The following FBXL20 variants were observed in gnomAD, a reference collection of about 807,000 sequenced individuals.
The protein encoded by FBXL20 is F-box/LRR-repeat protein 20.
A neutral mutation model predicts 64.0 loss-of-function variants in FBXL20; 11 were observed. That is an observed-to-expected ratio of 0.17 (90% CI 0.11 to 0.28). The LOEUF is 0.28. Ranked by LOEUF, FBXL20 falls within the 10% of genes least tolerant of loss-of-function variation. FBXL20 has a pLI of 1.00. For missense variants in FBXL20, 303 were observed against 526.2 expected (o/e 0.58, Z 4.15); for synonymous variants, 184 against 189.0 (o/e 0.97, Z 0.22).
Position 39,298,975 on chromosome 17 carries a change from T to C in FBXL20, c.329+15A>G, listed in dbSNP as rs1432338925. On this transcript the variant is annotated intron_variant, in intron 5 of 14. Transcript: ENST00000264658. ...CACTTCCATCAAGAAGATTAATCAA[T>C]AGTTATGTTTTTACCTTAATGCATT... 2 of 1,595,732 alleles carry C rather than the reference T, an allele frequency of 1.3e-6. No individual in the cohort carries two copies. The highest frequency in any genetic ancestry group is 1.1e-5 in the South Asian group (1 of 90,218).
At position 39,253,885 on chromosome 17, in the gene FBXL20, T is replaced by C. The variant is rs1567850078; in HGVS notation, c.*7575A>G. 6.6e-6 allele frequency: 1 copy of C among 152,116 alleles called. No homozygotes were observed. Among genetic ancestry groups the C allele is most frequent in the Non-Finnish European group, 1.5e-5 (1 of 68,022 alleles). The allele number at this position is 152,116 out of a possible 1,614,324, so 9.4% of individuals were successfully genotyped here. A position where few individuals can be genotyped will look rare whatever the true frequency, so the allele number is the denominator to read the frequency against. On this transcript the variant is annotated 3_prime_UTR_variant, in exon 15 of 15. Coordinates refer to ENST00000264658, the MANE Select transcript of FBXL20 (RefSeq NM_032875.3). ...AGTTAGAGACTTTTTCAAGTTAAGATTTTCTAAGACCTTAGGTTTTCATTC... is the reference window on the plus strand; with the variant it reads ...AGTTAGAGACTTTTTCAAGTTAAGACTTTCTAAGACCTTAGGTTTTCATTC...
intron 2 of FBXL20, among the ~76,000 whole-genome samples, chr17:39,326,768 C>T (rs918792161): frequency 2.0e-5 from 3 of 151,654 alleles, no homozygotes; most frequent in African/African-American, 4.8e-5. Context: ...TACAGGTGCA[C>T]GCCACCACAC....
At chr17:39,398,363 C>A (rs2048207970) in intron 1 of FBXL20, among the ~76,000 whole-genome samples, 1 of 152,132 alleles carries the variant, frequency 6.6e-6, no homozygotes, top group Admixed American at 6.5e-5. Flanking sequence ...GTCTGTCATG[C>A]AGGAAGTATT....
intron 6 of FBXL20, among the ~76,000 whole-genome samples, chr17:39,286,812 T>C (rs1206408865): frequency 6.6e-6 from 1 of 152,086 alleles, no homozygotes; most frequent in African/African-American, 2.4e-5. Flanking sequence ...AAAAAAATTT[T>C]TTTTATGCCA....
At chr17:39,340,237 C>T (rs1021993765) in intron 2 of FBXL20, among the ~76,000 whole-genome samples, 2 of 152,320 alleles carry the variant, frequency 1.3e-5, no homozygotes, top group Admixed American at 6.5e-5. Flanking sequence ...GCTGGGATTA[C>T]AGGCATGTGC....
intron 12 of FBXL20, 74 bp downstream of exon 12, chr17:39,268,753 T>G (rs377469802): frequency 1.5e-6 from 2 of 1,291,088 alleles, no homozygotes; most frequent in Non-Finnish European, 2.2e-6. Flanking sequence ...GGGTAGGGAA[T>G]TGCACATTCT....
upstream of FBXL20, chr17:39,401,990 G>A: frequency 2.0e-6 from 1 of 507,442 alleles, no homozygotes; most frequent in Admixed American, 4.4e-5. Context: ...CGCACTCTGC[G>A]CGGGGGCCCC....
At chr17:39,295,280 T>G (rs918165947) in intron 6 of FBXL20, among the ~76,000 whole-genome samples, 2 of 152,206 alleles carry the variant, frequency 1.3e-5, no homozygotes, top group African/African-American at 4.8e-5. Context: ...AGGGGTTTTT[T>G]CTTTGAACCA....
At chr17:39,279,849 A>G (rs1458461543) in intron 9 of FBXL20, among the ~76,000 whole-genome samples, 3 of 151,998 alleles carry the variant, frequency 2.0e-5, no homozygotes, top group Non-Finnish European at 2.9e-5. Context: ...CAAAAATCAC[A>G]CCACCGCATT....
At chr17:39,322,164 A>C (rs1049222728) in intron 2 of FBXL20, among the ~76,000 whole-genome samples, 1 of 66,382 alleles carries the variant, frequency 1.5e-5, no homozygotes, top group Non-Finnish European at 2.4e-5. Flanking sequence ...TATCTCTACC[A>C]AAAAAAAAAA....
intron 2 of FBXL20, among the ~76,000 whole-genome samples, chr17:39,310,182 A>G (rs1390776818): frequency 6.6e-6 from 1 of 151,634 alleles, no homozygotes; most frequent in African/African-American, 2.4e-5. Context: ...AAGAAACGAA[A>G]CAACTTGCTG....
chr17:39,333,766 G>A (rs1297985060), intron 2 of FBXL20, among the ~76,000 whole-genome samples: 2 of 151,516 alleles, frequency 1.3e-5, no homozygotes, highest in South Asian at 2.1e-4. Flanking sequence ...CGCCCCGTCT[G>A]AGATGTGAAG....
intron 13 of FBXL20, among the ~76,000 whole-genome samples, chr17:39,264,908 T>C (rs963141593): frequency 2.0e-5 from 3 of 152,168 alleles, no homozygotes; most frequent in Admixed American, 6.5e-5. Flanking sequence ...TTTTAGATAG[T>C]ACTGTGTCAC....
At chr17:39,270,379 AC>A (rs1416472469) in intron 11 of FBXL20, among the ~76,000 whole-genome samples, 1 of 152,078 alleles carries the variant, frequency 6.6e-6, no homozygotes, top group Non-Finnish European at 1.5e-5. Flanking sequence ...CCCTGTCTCT[AC>A]TAAAAATACA....
chr17:39,270,895 T>C (rs751789738), intron 10 of FBXL20, 39 bp from the exon 11 acceptor site: 4 of 1,515,904 alleles, frequency 2.6e-6, no homozygotes, highest in Non-Finnish European at 3.6e-6. Flanking sequence ...AGTCAAGCTC[T>C]TGGTCCCTGA....
chr17:39,282,606 C>A (rs2046957752), intron 8 of FBXL20, 123 bp downstream of exon 8: 1 of 1,307,988 alleles, frequency 7.6e-7, no homozygotes. Context: ...AAGCATTTGT[C>A]TTTTGTCAAT....
chr17:39,378,540 C>G lies in FBXL20; in HGVS notation c.42+22821G>C, dbSNP rs2047992262. Among the ~76,000 whole-genome samples the G allele has an allele frequency of 2.0e-5, 3 of 152,072 alleles. No individual in the cohort carries two copies. The South Asian group carries it at 6.2e-4, about 32-fold the overall frequency. ...AGGCACACAAAAAGATGGTCAACAT[C>G]ATTCATTAGACAATTACAAAGCAAA... On this transcript the variant is annotated intron_variant, in intron 1 of 14. Coordinates refer to ENST00000264658, the MANE Select transcript of FBXL20 (RefSeq NM_032875.3).
intron 1 of FBXL20, among the ~76,000 whole-genome samples, chr17:39,386,292 G>GC (rs2048079375): frequency 6.6e-6 from 1 of 151,826 alleles, no homozygotes; most frequent in African/African-American, 2.4e-5. Flanking sequence ...GGGTGACAGA[G>GC]CAAGACTCTG....
At chr17:39,392,235 T>G (rs1021306776) in intron 1 of FBXL20, among the ~76,000 whole-genome samples, 3 of 151,218 alleles carry the variant, frequency 2.0e-5, no homozygotes, top group Admixed American at 1.3e-4. Context: ...AGATCAGGAG[T>G]TTGAGACCAG....
Sources: allele counts gnomAD v4.1 joint callset (sites outside exome capture counted in the v4.1 genomes callset), GRCh38; gene constraint gnomAD v4.1.1; transcripts MANE v1.5; gene names NCBI Gene and HGNC (gene_info 2026-07-23, HGNC 2026-07-21).